Variants in ANK3 observed in about 807,000 individuals in gnomAD.
ANK3 encodes ankyrin-3.
Under a neutral mutation model 370.9 loss-of-function variants are expected in ANK3, and 57 were observed. The ratio of observed to expected loss-of-function variants is 0.15; its 90% confidence interval spans 0.12 to 0.19. The LOEUF is 0.19. ANK3 is among the 10% of genes least tolerant of loss of function. The probability of loss-of-function intolerance (pLI) is 1.00; values close to 1 mark genes in which losing one functional copy is unlikely to be tolerated. For synonymous variants in ANK3, 1,929 were observed against 1,946.3 expected (o/e 0.99, Z 0.23); for missense variants, 4,439 against 5,302.1 (o/e 0.84, Z 5.06).
chr10:60,604,787 G>A (rs1000191033), intron 2 of ANK3, among the ~76,000 whole-genome samples: 4 of 152,108 alleles, frequency 2.6e-5, no homozygotes, highest in Non-Finnish European at 5.9e-5. Flanking sequence ...ATGCTCAGAG[G>A]AGATAACTCC....
At chr10:60,223,745 A>G (rs1354759233) in intron 8 of ANK3, among the ~76,000 whole-genome samples, 1 of 152,226 alleles carries the variant, frequency 6.6e-6, no homozygotes, top group Non-Finnish European at 1.5e-5. Flanking sequence ...AAAATTCTCG[A>G]TAGAATAAGT....
rs371681236 is a variant in ANK3 at position 60,086,867 on chromosome 10, A to T, written c.3558T>A (p.Asp1186Glu). 1.9e-6 allele frequency: 3 copies of T among 1,612,948 alleles called. No homozygotes were observed. Residue 1186 changes from aspartate (D) to glutamate (E), a missense_variant, in exon 30 of 44, where the codon GAT becomes GAA. This residue lies in a region of ANK3 where 702 missense variants were observed against 941.5 expected (regional missense o/e 0.75). Coordinates refer to ENST00000280772, the MANE Select transcript of ANK3 (RefSeq NM_020987.5). ...RVGLQAQPVP[D>E]EIVKKILGNK... is the part of the protein sequence containing the mutation. ...TTCCAAGGATCTTTTTCACAATTTCATCTGGAACAGGCTGGGCCTAGAGAC... is the reference window on the plus strand; with the variant it reads ...TTCCAAGGATCTTTTTCACAATTTCTTCTGGAACAGGCTGGGCCTAGAGAC...
chr10:60,456,798 A>G (rs1351477276), intron 2 of ANK3, among the ~76,000 whole-genome samples: 1 of 151,984 alleles, frequency 6.6e-6, no homozygotes, highest in Non-Finnish European at 1.5e-5. Flanking sequence ...GGGGATTGCC[A>G]CCTGACTTCC....
intron 2 of ANK3, among the ~76,000 whole-genome samples, chr10:60,417,277 T>C (rs1016613141): frequency 3.3e-5 from 5 of 152,170 alleles, no homozygotes; most frequent in Non-Finnish European, 7.4e-5. Flanking sequence ...CATTAGGCCA[T>C]GATCCAGGTG....
chr10:60,358,220 T>G (rs1336162362), intron 1 of ANK3, among the ~76,000 whole-genome samples: 1 of 152,148 alleles, frequency 6.6e-6, no homozygotes, highest in Non-Finnish European at 1.5e-5. Context: ...AATGCTCCAA[T>G]ATATTGTTTT....
At chr10:60,572,679 T>A in intron 2 of ANK3, 7 of 1,431,390 alleles carry the variant, frequency 4.9e-6, no homozygotes, top group Non-Finnish European at 6.4e-6. Flanking sequence ...CAGCCCCTGC[T>A]GCTGTCAGAG....
intron 2 of ANK3, among the ~76,000 whole-genome samples, chr10:60,484,545 TTC>T (rs1460673347): frequency 6.6e-6 from 1 of 150,962 alleles, no homozygotes; most frequent in East Asian, 1.9e-4. Flanking sequence ...CATTACATTA[TTC>T]TCTGTTAAAA....
intron 1 of ANK3, among the ~76,000 whole-genome samples, chr10:60,653,418 C>T (rs780718635): frequency 7.2e-5 from 11 of 151,820 alleles, no homozygotes; most frequent in Non-Finnish European, 1.2e-4. Flanking sequence ...GACTTTTATT[C>T]CCCCATTAAA....
intron 23 of ANK3, among the ~76,000 whole-genome samples, chr10:60,147,242 C>G (rs1021714375): frequency 1.3e-5 from 2 of 152,138 alleles, no homozygotes; most frequent in African/African-American, 2.4e-5. Context: ...GCTGCAAGCC[C>G]AGCTCATCTC....
intron 1 of ANK3, among the ~76,000 whole-genome samples, chr10:60,375,229 C>G (rs553536193): frequency 6.6e-6 from 1 of 152,116 alleles, no homozygotes; most frequent in African/African-American, 2.4e-5. Flanking sequence ...GTACTAGGGG[C>G]ACAACAGGTA....
intron 1 of ANK3, among the ~76,000 whole-genome samples, chr10:60,702,152 G>A (rs1182035487): frequency 1.3e-5 from 2 of 151,960 alleles, no homozygotes; most frequent in Non-Finnish European, 2.9e-5. Flanking sequence ...TGTAGTCTCA[G>A]CTCCTTGGAA....
At chr10:60,202,884 G>A in intron 12 of ANK3, 118 bp downstream of exon 12, 2 of 654,936 alleles carry the variant, frequency 3.1e-6, no homozygotes, top group Middle Eastern at 4.2e-4. Flanking sequence ...TCCAGTCTGG[G>A]AGACAGAGCG....
intron 35 of ANK3, among the ~76,000 whole-genome samples, 155 bp from the exon 36 acceptor site, chr10:60,080,773 A>G (rs1165771648): frequency 6.6e-6 from 1 of 152,098 alleles, no homozygotes; most frequent in Non-Finnish European, 1.5e-5. Context: ...CCCACCCCCC[A>G]TGTCTTAACC....
intron 2 of ANK3, among the ~76,000 whole-genome samples, chr10:60,530,608 T>C (rs1271953231): frequency 1.3e-5 from 2 of 152,106 alleles, no homozygotes; most frequent in African/African-American, 4.8e-5. Flanking sequence ...CTATGTGCCT[T>C]CCTCACCTTA....
intron 1 of ANK3, among the ~76,000 whole-genome samples, chr10:60,360,187 G>C (rs1057422732): frequency 3.3e-5 from 5 of 152,176 alleles, no homozygotes; most frequent in East Asian, 1.9e-4. Flanking sequence ...GGCAGAGTGA[G>C]AGACAACTGC....
chr10:60,475,292 GAA>G (rs1043661237), intron 2 of ANK3, among the ~76,000 whole-genome samples: 1 of 151,052 alleles, frequency 6.6e-6, no homozygotes, highest in Non-Finnish European at 1.5e-5. Flanking sequence ...AACTATGACA[GAA>G]AAAGTTTTAC....
intron 1 of ANK3, among the ~76,000 whole-genome samples, chr10:60,339,219 G>A (rs536773082): frequency 1.3e-5 from 2 of 152,152 alleles, no homozygotes; most frequent in South Asian, 2.1e-4. Context: ...TCTGCATTGC[G>A]ATGAAAATGC....
At chr10:60,140,939 A>G (rs967168097) in intron 23 of ANK3, 4 of 985,624 alleles carry the variant, frequency 4.1e-6, no homozygotes, top group South Asian at 4.7e-5. Context: ...GAGGAAAAAC[A>G]TTAGAAGAAA....
intron 7 of ANK3, among the ~76,000 whole-genome samples, chr10:60,258,197 T>C (rs1283374508): frequency 1.3e-5 from 2 of 152,242 alleles, no homozygotes; most frequent in Non-Finnish European, 2.9e-5. Context: ...GGGTCATGCA[T>C]AAATTCAGAC....
Sources: gnomAD v4.1 joint callset for allele counts (sites outside exome capture counted in the v4.1 genomes callset) on GRCh38, gnomAD v4.1.1 for gene constraint, gnomAD v4.1.1 regional missense constraint, MANE v1.5 for transcripts, NCBI Gene and HGNC (gene_info 2026-07-23, HGNC 2026-07-21) for gene names.